Variants in AK9 observed in about 807,000 individuals in gnomAD.
AK9 encodes adenylate kinase domain containing 1.
In AK9, 191 loss-of-function variants were observed where a neutral mutation model predicts 239.6. The ratio of observed to expected loss-of-function variants is 0.80; its 90% CI spans 0.71 to 0.90. The LOEUF is 0.90. Ranked by LOEUF, AK9 falls within the 40% of genes least tolerant of loss-of-function variation. The probability of loss-of-function intolerance (pLI) is 0.00; values close to 1 mark genes in which losing one functional copy is unlikely to be tolerated. For missense variants in AK9, 1,995 were observed against 2,214.7 expected (o/e 0.90, Z 1.99); for synonymous variants, 689 against 721.0 (o/e 0.96, Z 0.71).
At chr6:109,670,017 AGTACTGGG>A (rs2128332776) in intron 5 of AK9, among the ~76,000 whole-genome samples, 1 of 152,362 alleles carries the variant, frequency 6.6e-6, no homozygotes, top group African/African-American at 2.4e-5. Context: ...GCATACAGGA[AGTACTGGG>A]GTCTGAGGAA....
At chr6:109,608,825 A>G (rs1793236199) in intron 17 of AK9, among the ~76,000 whole-genome samples, 1 of 152,228 alleles carries the variant, frequency 6.6e-6, no homozygotes, top group Admixed American at 6.5e-5. Context: ...ATACATAAAC[A>G]ACACATGAAT....
At chr6:109,606,026 T>A (rs1023836119) in intron 17 of AK9, among the ~76,000 whole-genome samples, 1 of 151,966 alleles carries the variant, frequency 6.6e-6, no homozygotes, top group Non-Finnish European at 1.5e-5. Flanking sequence ...CAGTCTAGTA[T>A]CACCAGAGAG....
At position 109,497,471 on chromosome 6, in the gene AK9, A is replaced by G. The variant is rs1425980760; in HGVS notation, c.5309T>C (p.Phe1770Ser). The change falls in exon 38 of 41, where the codon TTT (phenylalanine) becomes TCT (serine). Residue 1770 changes from phenylalanine (F) to serine (S), a missense_variant. Coordinates refer to ENST00000424296, the MANE Select transcript of AK9 (RefSeq NM_001145128.3). Reference sequence around the variant, plus strand: ...TGTGATTTAATGGTCTCACCTCAAAAATTTCTGGAGTTTTTCTTTGTTCTC... The same window carrying G: ...TGTGATTTAATGGTCTCACCTCAAAGATTTCTGGAGTTTTTCTTTGTTCTC... The part of the protein sequence containing the change: ...ICENKEKLQK[F>S]LRSPLKYWEQ... The G allele has an allele frequency of 1.3e-6, 2 of 1,582,354 alleles. No individual in the cohort carries two copies. Among genetic ancestry groups the G allele is most frequent in the South Asian group, 2.2e-5 (2 of 89,952 alleles).
At chr6:109,550,545 C>T (rs749962868) in intron 24 of AK9, 1 of 330,832 alleles carries the variant, frequency 3.0e-6, no homozygotes, top group South Asian at 5.1e-5. Flanking sequence ...AATGAAGGTG[C>T]CTCCAGTCCT....
intron 21 of AK9, among the ~76,000 whole-genome samples, chr6:109,571,776 C>T (rs4946989): frequency 0.58 from 88,540 of 151,980 alleles, 27,475 homozygotes; most frequent in South Asian, 0.84. Context: ...AGTGTACAGC[C>T]AAATGATTCT....
At chr6:109,527,391 C>T (rs1780659921) in intron 29 of AK9, among the ~76,000 whole-genome samples, 1 of 152,178 alleles carries the variant, frequency 6.6e-6, no homozygotes, top group South Asian at 2.1e-4. Context: ...AGTCACAGAA[C>T]TGCATATTCT....
At chr6:109,690,125 A>C (rs1015371690) in intron 1 of AK9, among the ~76,000 whole-genome samples, 1 of 151,754 alleles carries the variant, frequency 6.6e-6, no homozygotes, top group Admixed American at 6.6e-5. Flanking sequence ...TAATTCTATA[A>C]TTTTTTTTTA....
intron 1 of AK9, among the ~76,000 whole-genome samples, chr6:109,676,613 A>T (rs1360498492): frequency 1.3e-5 from 2 of 152,126 alleles, no homozygotes; most frequent in East Asian, 3.8e-4. Flanking sequence ...AAGTATTTTT[A>T]AAAATCCCTA....
At chr6:109,648,396 T>G (rs1167295806) in intron 8 of AK9, among the ~76,000 whole-genome samples, 3 of 152,024 alleles carry the variant, frequency 2.0e-5, no homozygotes, top group Non-Finnish European at 4.4e-5. Context: ...CAATAAAAAA[T>G]GATAAAGGGG....
intron 8 of AK9, among the ~76,000 whole-genome samples, chr6:109,645,013 C>A (rs1187021900): frequency 6.6e-6 from 1 of 152,188 alleles, no homozygotes; most frequent in Non-Finnish European, 1.5e-5. Context: ...ATGGAAGCAT[C>A]TGATTAAACT....
chr6:109,542,263 A>C, intron 26 of AK9, 92 bp from the exon 27 acceptor site: 1 of 1,244,380 alleles, frequency 8.0e-7, no homozygotes, highest in Non-Finnish European at 1.1e-6. Flanking sequence ...AAAGAGGAGG[A>C]CCTCATGGAG....
rs143012766 is a variant in AK9, at chr6:109,595,317, C to T, written c.1843-9245G>A. 3.0e-3 allele frequency among the ~76,000 whole-genome samples: 455 copies of T among 152,274 alleles called. 3 individuals carry two copies. The highest frequency in any genetic ancestry group is 0.011 in the African/African-American group (438 of 41,536). On this transcript the variant is annotated intron_variant, in intron 17 of 40. Transcript: ENST00000424296. Reference sequence around the variant, plus strand: ...AAAACCACAATAAGATACCATCTCACGCCAGTTAGAATGGTGATTAAAGTC... The same window carrying T: ...AAAACCACAATAAGATACCATCTCATGCCAGTTAGAATGGTGATTAAAGTC...
chr6:109,533,618 T>C (rs1373799593), intron 27 of AK9, 148 bp from the exon 28 acceptor site: 2 of 537,372 alleles, frequency 3.7e-6, no homozygotes, highest in Admixed American at 4.3e-5. Context: ...CAATGACATA[T>C]TTTAAAAGAA....
At chr6:109,562,343 G>T (rs1785885351) in intron 24 of AK9, among the ~76,000 whole-genome samples, 1 of 152,030 alleles carries the variant, frequency 6.6e-6, no homozygotes, top group Admixed American at 6.6e-5. Context: ...AATCTTAAAA[G>T]TTCAACTTAG....
At chr6:109,626,924 C>A (rs1012066125) in intron 12 of AK9, among the ~76,000 whole-genome samples, 3 of 152,078 alleles carry the variant, frequency 2.0e-5, no homozygotes, top group African/African-American at 7.2e-5. Flanking sequence ...ACTTAGGCTA[C>A]ACTAAATTTA....
intron 17 of AK9, among the ~76,000 whole-genome samples, chr6:109,597,100 T>G (rs1791140808): frequency 1.3e-5 from 2 of 152,162 alleles, no homozygotes; most frequent in African/African-American, 4.8e-5. Flanking sequence ...CATCTGTAAA[T>G]CTTTGTCCAA....
rs543908402 is a variant in AK9 at position 109,683,502 on chromosome 6, A to G, written c.-12+7645T>C. On this transcript the variant is annotated intron_variant, in intron 1 of 40. Transcript: ENST00000424296. ...CATGATTGTATATTTAGAAAACCCCATTGTCTCAGCCCAAAATCTCCTTAA... is the reference window on the plus strand; with the variant it reads ...CATGATTGTATATTTAGAAAACCCCGTTGTCTCAGCCCAAAATCTCCTTAA... 1.3e-4 allele frequency among the ~76,000 whole-genome samples: 20 copies of G among 152,322 alleles called. 1 individual carries two copies. In the South Asian group the frequency reaches 3.7e-3, roughly 28 times the overall value.
At chr6:109,661,748 T>A (rs570470161) in intron 6 of AK9, among the ~76,000 whole-genome samples, 1 of 152,244 alleles carries the variant, frequency 6.6e-6, no homozygotes, top group South Asian at 2.1e-4. Flanking sequence ...ACCATCTAGT[T>A]TATTTGAGCT....
rs1384446773 is a variant in AK9 at position 109,664,356 on chromosome 6, ATGTG to A, written c.332-1697_332-1694del. 5.3e-5 allele frequency among the ~76,000 whole-genome samples: 8 copies of A among 152,200 alleles called. 1 individual carries two copies. Among genetic ancestry groups the A allele is most frequent in the African/African-American group, 1.9e-4 (8 of 41,456 alleles). On this transcript the variant is annotated intron_variant, in intron 5 of 40. Transcript: ENST00000424296. ...CACCTGTTGATAGACGAGTGAATGA[ATGTG>A]TGTAAAACAAACTTAAAATTCCTCA...
Sources: allele counts gnomAD v4.1 joint callset (sites outside exome capture counted in the v4.1 genomes callset), GRCh38; gene constraint gnomAD v4.1.1; transcripts MANE v1.5; gene names NCBI Gene and HGNC (gene_info 2026-07-23, HGNC 2026-07-21).